The following GLCE variants were observed in gnomAD, a reference collection of about 807,000 sequenced individuals.
GLCE encodes glucuronic acid epimerase, also known as D-glucuronyl C5-epimerase.
GLCE carries 19 observed loss-of-function variants against 47.9 expected under a neutral mutation model. That is an observed-to-expected ratio of 0.40 (90% confidence interval 0.28 to 0.58). The LOEUF (loss-of-function observed/expected upper bound fraction) is 0.58. GLCE is among the 20% of genes least tolerant of loss of function. The probability of loss-of-function intolerance (pLI) is 0.48; values close to 1 mark genes in which losing one functional copy is unlikely to be tolerated. For synonymous variants in GLCE, 245 were observed against 263.4 expected (o/e 0.93, Z 0.68); for missense variants, 556 against 743.3 (o/e 0.75, Z 2.93).
intron 3 of GLCE, among the ~76,000 whole-genome samples, chr15:69,258,558 T>G (rs1044544317): frequency 6.6e-6 from 1 of 152,100 alleles, no homozygotes; most frequent in African/African-American, 2.4e-5. Context: ...ATTTCCAGGT[T>G]TTTTATGTTT....
chr15:69,220,575 A>G (rs940301412), intron 2 of GLCE, among the ~76,000 whole-genome samples: 2 of 152,064 alleles, frequency 1.3e-5, no homozygotes, highest in Non-Finnish European at 2.9e-5. Flanking sequence ...AATTATGTGT[A>G]TATTCTTTGG....
Position 69,199,238 on chromosome 15 carries a change from G to A in GLCE, c.-104-11078G>A, listed in dbSNP as rs531594791. ...TCAGGAGCTAAGCAAAACCAGGAAT[G>A]CTATTCAAGAAAATCAGAATACATG... On this transcript the variant is annotated intron_variant, in intron 1 of 4. Transcript: ENST00000261858. Among the ~76,000 whole-genome samples the A allele has an allele frequency of 1.3e-3, 199 of 152,186 alleles. 1 individual carries two copies. The highest frequency in any genetic ancestry group is 1.3e-3 in the Non-Finnish European group (88 of 68,000).
At chr15:69,239,708 A>T (rs904993556) in intron 2 of GLCE, among the ~76,000 whole-genome samples, 4 of 152,212 alleles carry the variant, frequency 2.6e-5, no homozygotes, top group Non-Finnish European at 5.9e-5. Context: ...AAATATGTTA[A>T]AAATCTGTGA....
Position 69,242,489 on chromosome 15 carries a change from T to C in GLCE, c.-13-13305T>C, listed in dbSNP as rs191224870. 1.4e-4 allele frequency among the ~76,000 whole-genome samples: 21 copies of C among 152,204 alleles called. No homozygotes were observed. In the East Asian group the frequency reaches 3.1e-3, roughly 22 times the overall value. On this transcript the variant is annotated intron_variant, in intron 2 of 4. Transcript: ENST00000261858. ...TATGCATCTATATATCTATATACTA[T>C]AGATATATAGTAATACTAAGTAAAA...
Position 69,268,491 on chromosome 15 carries a change from A to C in GLCE, c.1101A>C (p.Thr367=). 2.5e-6 allele frequency: 4 copies of C among 1,614,204 alleles called. No homozygotes were observed. Among genetic ancestry groups the C allele is most frequent in the Non-Finnish European group, 3.4e-6 (4 of 1,180,030 alleles). Residue 367 remains threonine (T), a synonymous_variant, in exon 5 of 5, where the codon ACA becomes ACC. Coordinates refer to ENST00000261858, the MANE Select transcript of GLCE (RefSeq NM_015554.3). The part of the protein sequence containing the change: ...DLRKGVGLSN[T]KAVKPTKIMP... ...GGAAAGGAGTGGGTCTTTCAAACAC[A>C]AAAGCTGTCAAGCCAACCAAAATAA...
At chr15:69,227,369 A>G (rs1028002665) in intron 2 of GLCE, among the ~76,000 whole-genome samples, 1 of 152,192 alleles carries the variant, frequency 6.6e-6, no homozygotes, top group Non-Finnish European at 1.5e-5. Context: ...TGATAACTCA[A>G]GTCACTAGTC....
intron 3 of GLCE, among the ~76,000 whole-genome samples, chr15:69,257,179 T>C (rs540787207): frequency 6.4e-4 from 97 of 152,316 alleles, no homozygotes; most frequent in African/African-American, 2.1e-3. Context: ...TTGGTGACCA[T>C]GTGGATGTTT....
chr15:69,183,444 A>G (rs1329962684), intron 1 of GLCE, among the ~76,000 whole-genome samples: 3 of 152,226 alleles, frequency 2.0e-5, no homozygotes, highest in African/African-American at 7.2e-5. Flanking sequence ...TCAGGCCTAG[A>G]GAGGCACTGA....
chr15:69,262,460 G>C (rs577119261), intron 4 of GLCE, among the ~76,000 whole-genome samples: 1 of 152,178 alleles, frequency 6.6e-6, no homozygotes, highest in South Asian at 2.1e-4. Flanking sequence ...AGAACTTTTG[G>C]GTGCACTCAA....
At chr15:69,233,306 T>C (rs866241777) in intron 2 of GLCE, among the ~76,000 whole-genome samples, 57 of 152,344 alleles carry the variant, frequency 3.7e-4, no homozygotes, top group African/African-American at 1.3e-3. Context: ...CAGTCACTTC[T>C]TGTGACTAAC....
chr15:69,265,211 G>T (rs969528423), intron 4 of GLCE, among the ~76,000 whole-genome samples: 8 of 151,932 alleles, frequency 5.3e-5, no homozygotes, highest in African/African-American at 1.7e-4. Context: ...AGTAACTACT[G>T]GGAATAACTG....
intron 1 of GLCE, among the ~76,000 whole-genome samples, chr15:69,209,121 G>C (rs1338903294): frequency 6.6e-6 from 1 of 151,226 alleles, no homozygotes; most frequent in East Asian, 1.9e-4. Context: ...ATTTCCATTT[G>C]GTTCTTCTTT....
chr15:69,265,701 T>C (rs11636090), intron 4 of GLCE, among the ~76,000 whole-genome samples: 3,994 of 152,308 alleles, frequency 0.026, 75 homozygotes, highest in Non-Finnish European at 0.042. Context: ...TCATTAAATT[T>C]GTGTAAATAA....
intron 1 of GLCE, among the ~76,000 whole-genome samples, chr15:69,168,575 G>A (rs1436402428): frequency 6.8e-6 from 1 of 147,100 alleles, no homozygotes; most frequent in Non-Finnish European, 1.5e-5. Flanking sequence ...CTTCTGTTGC[G>A]TAGGCTGGAG....
chr15:69,264,881 A>G (rs2053064196), intron 4 of GLCE, among the ~76,000 whole-genome samples: 1 of 151,874 alleles, frequency 6.6e-6, no homozygotes, highest in African/African-American at 2.4e-5. Flanking sequence ...CTTATTTTTT[A>G]ATCAGATTTT....
At chr15:69,165,096 C>G (rs1428962690) in intron 1 of GLCE, among the ~76,000 whole-genome samples, 1 of 152,000 alleles carries the variant, frequency 6.6e-6, no homozygotes, top group East Asian at 1.9e-4. Flanking sequence ...CTTTTAAGTT[C>G]AGGGGCACAT....
intron 2 of GLCE, among the ~76,000 whole-genome samples, chr15:69,215,121 T>C (rs4777126): frequency 0.7 from 106,522 of 152,014 alleles, 42,920 homozygotes; most frequent in Non-Finnish European, 0.89. Flanking sequence ...CTTTGTGTTG[T>C]AGTTTTGTGG....
At chr15:69,259,658 G>T (rs2052984464) in intron 3 of GLCE, among the ~76,000 whole-genome samples, 1 of 152,108 alleles carries the variant, frequency 6.6e-6, no homozygotes, top group South Asian at 2.1e-4. Context: ...TGTGTTTCTG[G>T]ACTGCTACTT....
intron 2 of GLCE, among the ~76,000 whole-genome samples, chr15:69,248,425 A>G (rs1016873455): frequency 7.2e-5 from 11 of 152,180 alleles, no homozygotes; most frequent in South Asian, 4.1e-4. Flanking sequence ...TTGGATTACA[A>G]TTTCTGAATA....
Sources: allele counts gnomAD v4.1 joint callset (sites outside exome capture counted in the v4.1 genomes callset), GRCh38; gene constraint gnomAD v4.1.1; transcripts MANE v1.5; gene names NCBI Gene and HGNC (gene_info 2026-07-23, HGNC 2026-07-21).